The following TIAM1 variants were observed in gnomAD, a reference collection of about 807,000 sequenced individuals.
TIAM1 encodes the protein TIAM Rac1 associated GEF 1, also known as rho guanine nucleotide exchange factor TIAM1.
In TIAM1, 65 loss-of-function variants were observed where a neutral mutation model predicts 163.5. The ratio of observed to expected loss-of-function variants is 0.40; its 90% confidence interval spans 0.33 to 0.49. The LOEUF is 0.49. TIAM1 is among the 20% of genes least tolerant of loss of function. The probability of loss-of-function intolerance (pLI) is 0.77; values close to 1 mark genes in which losing one functional copy is unlikely to be tolerated. For synonymous variants in TIAM1, 833 were observed against 810.1 expected (o/e 1.03, Z -0.48); for missense variants, 1,789 against 2,044.7 (o/e 0.87, Z 2.41).
intron 2 of TIAM1, among the ~76,000 whole-genome samples, chr21:31,364,288 T>G (rs764207505): frequency 6.6e-6 from 1 of 152,198 alleles, no homozygotes; most frequent in African/African-American, 2.4e-5. Context: ...TGGAGTAAAC[T>G]TGTTAACCAA....
At chr21:31,409,269 C>G (rs1192235864) in intron 2 of TIAM1, among the ~76,000 whole-genome samples, 1 of 152,164 alleles carries the variant, frequency 6.6e-6, no homozygotes, top group African/African-American at 2.4e-5. Flanking sequence ...GCCACCACAC[C>G]CAGCTAATTT....
chr21:31,444,784 A>C (rs1472543922), intron 2 of TIAM1, among the ~76,000 whole-genome samples: 1 of 152,200 alleles, frequency 6.6e-6, no homozygotes, highest in Non-Finnish European at 1.5e-5. Flanking sequence ...GGAACACCTG[A>C]GGTCGGGAGC....
At position 31,459,627 on chromosome 21, in the gene TIAM1, G is replaced by A. The variant is rs578114966; in HGVS notation, c.-369+4356C>T. On this transcript the variant is annotated intron_variant, in intron 2 of 28. Coordinates refer to the TIAM1 transcript ENST00000286827. ...TGCCTCCCCACCCTAGATGGCGTCC[G>A]CAACCAGAAACTCTGGTGTGAAGCT... Among the ~76,000 whole-genome samples the A allele has an allele frequency of 5.3e-5, 8 of 152,214 alleles. No homozygotes were observed. The South Asian group carries it at 1.0e-3, about 20-fold the overall frequency.
rs1486112869 is a variant in TIAM1, at chr21:31,543,011, G to A, written c.-422+15916C>T. ...ATAAAAATAAAAACAGGTCCAGAAG[G>A]GCTCACCTTGGAATCAAAGGCATAT... On this transcript the variant is annotated intron_variant, in intron 1 of 28. Transcript: ENST00000286827. Among the ~76,000 whole-genome samples, 6 of 152,052 alleles carry A rather than the reference G, an allele frequency of 3.9e-5. No individual in the cohort carries two copies. The South Asian group carries it at 1.2e-3, about 32-fold the overall frequency.
At chr21:31,180,778 T>C (rs1222791467) in intron 15 of TIAM1, among the ~76,000 whole-genome samples, 1 of 152,250 alleles carries the variant, frequency 6.6e-6, no homozygotes, top group African/African-American at 2.4e-5. Context: ...CATTCTCCTT[T>C]ACTAAGGGTA....
chr21:31,132,806 C>T (rs2082466363), intron 23 of TIAM1, among the ~76,000 whole-genome samples: 1 of 152,192 alleles, frequency 6.6e-6, no homozygotes, highest in Non-Finnish European at 1.5e-5. Flanking sequence ...CTCCAAAACT[C>T]ATGCTACCTT....
intron 2 of TIAM1, among the ~76,000 whole-genome samples, chr21:31,430,348 G>A (rs150707696): frequency 6.7e-6 from 1 of 149,778 alleles, no homozygotes; most frequent in Non-Finnish European, 1.5e-5. Context: ...AACCCAAACT[G>A]ATAATTACCA....
intron 22 of TIAM1, among the ~76,000 whole-genome samples, chr21:31,137,485 G>A (rs2082667117): frequency 6.6e-6 from 1 of 151,920 alleles, no homozygotes; most frequent in African/African-American, 2.4e-5. Context: ...CCTATCCCCC[G>A]AAGACCCACA....
intron 1 of TIAM1, among the ~76,000 whole-genome samples, chr21:31,542,174 C>T (rs1289691628): frequency 1.3e-5 from 2 of 152,104 alleles, no homozygotes; most frequent in Non-Finnish European, 2.9e-5. Flanking sequence ...GCCTGTAATC[C>T]CAGCACTTTG....
In TIAM1 at chr21:31,260,176, TATAA is replaced by T. The variant is rs200859390; in HGVS notation, c.963+5830_963+5833del. ...GGCTGGTCAAAAAATATATTTTTAA[TATAA>T]ATAAATAAATAAATATTTTTATATA... On this transcript the variant is annotated intron_variant, in intron 4 of 27. Coordinates refer to ENST00000541036, the MANE Select transcript of TIAM1 (RefSeq NM_001353694.2). Among the ~76,000 whole-genome samples the T allele has an allele frequency of 7.3e-3, 1,074 of 146,916 alleles. 10 individuals are homozygous for T. The highest frequency in any genetic ancestry group is 0.024 in the African/African-American group (982 of 40,642).
At chr21:31,153,360 G>A (rs747061281) in intron 17 of TIAM1, among the ~76,000 whole-genome samples, 1 of 151,998 alleles carries the variant, frequency 6.6e-6, no homozygotes, top group Non-Finnish European at 1.5e-5. Context: ...ACTAAAATAC[G>A]GTCTCCATTG....
At chr21:31,248,565 A>T (rs533258623) in intron 5 of TIAM1, among the ~76,000 whole-genome samples, 36 of 152,248 alleles carry the variant, frequency 2.4e-4, no homozygotes, top group South Asian at 6.2e-4. Flanking sequence ...ATCTTTTTTT[A>T]AAAAAATCAA....
At chr21:31,152,964 T>C (rs2083448943) in intron 18 of TIAM1, 102 bp downstream of exon 18, 1 of 1,344,532 alleles carries the variant, frequency 7.4e-7, no homozygotes. Flanking sequence ...ATTAAATAAA[T>C]TTAAAATGTT....
intron 1 of TIAM1, among the ~76,000 whole-genome samples, chr21:31,486,409 C>T (rs548268875): frequency 2.0e-5 from 3 of 152,366 alleles, no homozygotes; most frequent in East Asian, 1.9e-4. Context: ...ATGAGCGTCC[C>T]GCTGTCCTGC....
chr21:31,187,173 T>A, intron 13 of TIAM1, 86 bp from the exon 14 acceptor site: 1 of 1,216,872 alleles, frequency 8.2e-7, no homozygotes, highest in South Asian at 1.2e-5. Context: ...GTGAACTAGG[T>A]ATGTTTCATG....
At chr21:31,372,421 G>A (rs1018549704) in intron 2 of TIAM1, among the ~76,000 whole-genome samples, 1 of 152,184 alleles carries the variant, frequency 6.6e-6, no homozygotes, top group African/African-American at 2.4e-5. Flanking sequence ...GTGCCCAGTA[G>A]GAAATATGGA....
At chr21:31,531,690 C>A (rs926647458) in intron 1 of TIAM1, among the ~76,000 whole-genome samples, 1 of 150,818 alleles carries the variant, frequency 6.6e-6, no homozygotes, top group Non-Finnish European at 1.5e-5. Context: ...CTTTTTTTTA[C>A]TCACCATTAA....
chr21:31,254,691 G>C (rs2071995895), intron 4 of TIAM1, among the ~76,000 whole-genome samples: 2 of 151,442 alleles, frequency 1.3e-5, no homozygotes, highest in Admixed American at 6.6e-5. Flanking sequence ...CAGAGAGAGA[G>C]AGACCCTGTC....
chr21:31,387,370 C>G (rs1198085370), intron 2 of TIAM1, among the ~76,000 whole-genome samples: 2 of 151,252 alleles, frequency 1.3e-5, no homozygotes, highest in South Asian at 4.2e-4. Context: ...TTATAGGCAC[C>G]CACTACCACA....
Sources: allele counts gnomAD v4.1 joint callset (sites outside exome capture counted in the v4.1 genomes callset), GRCh38; gene constraint gnomAD v4.1.1; transcripts MANE v1.5; gene names NCBI Gene and HGNC (gene_info 2026-07-23, HGNC 2026-07-21).